CD96: variants seen among roughly 807,000 people sequenced by gnomAD.
CD96 encodes CD96 molecule, also known as T-cell surface protein tactile.
CD96 carries 70 observed loss-of-function variants against 71.3 expected under a neutral mutation model. The ratio of observed to expected loss-of-function variants is 0.98; its 90% CI spans 0.81 to 1.20. The LOEUF (loss-of-function observed/expected upper bound fraction) is 1.20, where lower values mean the gene tolerates loss of function less well. CD96 is among the 50% of genes most tolerant of loss of function. The pLI is 0.00. For synonymous variants in CD96, 248 were observed against 233.0 expected (o/e 1.06, Z -0.59); for missense variants, 742 against 677.5 (o/e 1.10, Z -1.06).
intron 14 of CD96, among the ~76,000 whole-genome samples, chr3:111,660,933 A>T (rs1033842899): frequency 1.3e-5 from 2 of 152,236 alleles, no homozygotes; most frequent in African/African-American, 4.8e-5. Context: ...TCTAGGAAAT[A>T]CTATTGATGA....
intron 5 of CD96, chr3:111,594,648 T>C (rs552827671): frequency 5.9e-6 from 1 of 169,860 alleles, no homozygotes; most frequent in South Asian, 2.0e-4. Context: ...TTTCTGTGCT[T>C]CTTATTTCCT....
intron 10 of CD96, among the ~76,000 whole-genome samples, chr3:111,635,588 C>A (rs1939289330): frequency 6.6e-6 from 1 of 152,138 alleles, no homozygotes; most frequent in African/African-American, 2.4e-5. Context: ...TGGGGAAAAT[C>A]AATATTGACC....
chr3:111,641,237 G>A (rs1939575150), intron 12 of CD96, among the ~76,000 whole-genome samples: 1 of 152,184 alleles, frequency 6.6e-6, no homozygotes, highest in Non-Finnish European at 1.5e-5. Context: ...TCAACTATTT[G>A]CTGCCTTCGG....
intron 3 of CD96, among the ~76,000 whole-genome samples, chr3:111,576,962 T>C (rs1204410589): frequency 1.3e-5 from 2 of 152,170 alleles, no homozygotes; most frequent in Non-Finnish European, 2.9e-5. Flanking sequence ...GATCTCCTTA[T>C]ATTGTAGGTT....
chr3:111,594,175 C>T (rs1403302751), intron 5 of CD96: 1 of 1,603,116 alleles, frequency 6.2e-7, no homozygotes, highest in Admixed American at 1.7e-5. Flanking sequence ...TTGTTCCCTC[C>T]TCTTCCTCGT....
chr3:111,646,085 A>C (rs1447758983), intron 12 of CD96, among the ~76,000 whole-genome samples: 1 of 152,148 alleles, frequency 6.6e-6, no homozygotes, highest in Non-Finnish European at 1.5e-5. Context: ...AGCCGAGACA[A>C]GGAAAGAAAA....
At position 111,563,105 on chromosome 3, in the gene CD96, C is replaced by T. The variant is rs149230428; in HGVS notation, c.419-4418C>T. Among the ~76,000 whole-genome samples the T allele has an allele frequency of 3.2e-3, 480 of 152,322 alleles. 2 individuals carry two copies. The highest frequency in any genetic ancestry group is 0.01 in the African/African-American group (421 of 41,568). On this transcript the variant is annotated intron_variant, in intron 2 of 13. Transcript: ENST00000352690. ...GCAAGAGACAAAAGGGGAATTAACT[C>T]GCCCTTTTATAATGGCATTAATGCC...
chr3:111,633,225 C>G (rs1262329608), intron 10 of CD96, among the ~76,000 whole-genome samples: 3 of 151,824 alleles, frequency 2.0e-5, no homozygotes, highest in Non-Finnish European at 4.4e-5. Flanking sequence ...ATGGGGGAAC[C>G]ACCAGCAAGT....
intron 3 of CD96, among the ~76,000 whole-genome samples, chr3:111,572,499 G>T (rs560961288): frequency 5.3e-4 from 81 of 152,170 alleles, no homozygotes; most frequent in African/African-American, 2.0e-3. Context: ...CCATATTTTT[G>T]GTCTTTAATC....
chr3:111,647,087 T>TC (rs1491030995), intron 12 of CD96, among the ~76,000 whole-genome samples: 1 of 99,192 alleles, frequency 1.0e-5, no homozygotes, highest in African/African-American at 4.8e-5. Flanking sequence ...AGGGTAAAGA[T>TC]TAAAAAAAAA....
At chr3:111,599,975 C>T (rs1325211434) in intron 6 of CD96, among the ~76,000 whole-genome samples, 5 of 152,200 alleles carry the variant, frequency 3.3e-5, no homozygotes, top group Non-Finnish European at 2.9e-5. Flanking sequence ...TTTTCTGCTG[C>T]CAAGTATGCT....
At chr3:111,625,654 A>G (rs1056353525) in intron 10 of CD96, among the ~76,000 whole-genome samples, 2 of 152,238 alleles carry the variant, frequency 1.3e-5, no homozygotes, top group Non-Finnish European at 2.9e-5. Flanking sequence ...TGTCAAAAGC[A>G]AAACATTAAA....
At chr3:111,607,935 C>T (rs1389819888) in intron 8 of CD96, among the ~76,000 whole-genome samples, 1 of 152,112 alleles carries the variant, frequency 6.6e-6, no homozygotes, top group African/African-American at 2.4e-5. Context: ...AATAATAAAA[C>T]CTTAAATCTC....
In CD96 at chr3:111,581,742, C is replaced by G. The variant is rs111440320; in HGVS notation, c.751+2508C>G. ...AATTTTTAGTAGTTGTTCTTTCTTT[C>G]AGGGCTTTTATTCTGCTGGTATTTG... On this transcript the variant is annotated intron_variant, in intron 4 of 13. Coordinates refer to ENST00000352690, the MANE Select transcript of CD96 (RefSeq NM_005816.5). Among the ~76,000 whole-genome samples, 896 of 152,294 alleles carry G rather than the reference C, an allele frequency of 5.9e-3. 1 individual carries two copies. Among genetic ancestry groups the G allele is most frequent in the Non-Finnish European group, 0.011 (722 of 68,010 alleles).
chr3:111,608,314 C>T (rs1937729642), intron 8 of CD96, among the ~76,000 whole-genome samples: 1 of 152,166 alleles, frequency 6.6e-6, no homozygotes, highest in African/African-American at 2.4e-5. Flanking sequence ...GCTTAGTCTC[C>T]AAAATTGCAT....
intron 14 of CD96, among the ~76,000 whole-genome samples, chr3:111,661,754 C>A (rs911437854): frequency 1.3e-5 from 2 of 152,256 alleles, no homozygotes; most frequent in African/African-American, 2.4e-5. Flanking sequence ...TGTGATTCTG[C>A]TGAGTACAGT....
At chr3:111,627,586 G>A (rs1027832680) in intron 10 of CD96, among the ~76,000 whole-genome samples, 3 of 152,224 alleles carry the variant, frequency 2.0e-5, no homozygotes, top group Non-Finnish European at 4.4e-5. Context: ...TGTGGGCCTT[G>A]AAGAGCCCAA....
intron 10 of CD96, among the ~76,000 whole-genome samples, chr3:111,631,122 C>G (rs1425931733): frequency 1.3e-5 from 2 of 152,164 alleles, no homozygotes. Flanking sequence ...TTCTATTCAA[C>G]ATAGTATTGG....
chr3:111,653,106 G>C (rs185856211), downstream of CD96, among the ~76,000 whole-genome samples: 13 of 152,234 alleles, frequency 8.5e-5, no homozygotes, highest in Admixed American at 3.9e-4. Flanking sequence ...TCATGGGCAC[G>C]ACTAACCCAA....
Sources: allele counts gnomAD v4.1 joint callset (sites outside exome capture counted in the v4.1 genomes callset), GRCh38; gene constraint gnomAD v4.1.1; transcripts MANE v1.5; gene names NCBI Gene and HGNC (gene_info 2026-07-23, HGNC 2026-07-21).